GFRA2: variants seen among roughly 807,000 people sequenced by gnomAD.
The protein encoded by GFRA2 is GDNF family receptor alpha 2.
Under a neutral mutation model 48.3 loss-of-function variants are expected in GFRA2, and 17 were observed. That is an observed-to-expected ratio of 0.35 (90% CI 0.24 to 0.53). GFRA2 has a LOEUF of 0.53. Ranked by LOEUF, GFRA2 falls within the 20% of genes least tolerant of loss-of-function variation. GFRA2 has a pLI of 0.93. For missense variants in GFRA2, 660 were observed against 637.3 expected (o/e 1.04, Z -0.38); for synonymous variants, 305 against 257.2 (o/e 1.19, Z -1.78).
rs201515239 is a variant in GFRA2, at chr8:21,750,107, A to ACACACACACACACACACACACACACACG, written c.794+480_794+481insCGTGTGTGTGTGTGTGTGTGTGTGTGTG. ...TGTGTATACACACACACACACACAC[A>ACACACACACACACACACACACACACACG]CACGCACATATATAGGTAGAGACTG... On this transcript the variant is annotated intron_variant, in intron 4 of 8. Transcript: ENST00000524240. This position sits in a 1 kb window ranked among gnomAD's most constrained non-coding sequence, Gnocchi z 5.7. 4.5e-4 allele frequency among the ~76,000 whole-genome samples: 68 copies of ACACACACACACACACACACACACACACG among 150,744 alleles called. No homozygotes were observed. The highest frequency in any genetic ancestry group is 8.0e-4 in the Non-Finnish European group (54 of 67,760).
At chr8:21,771,863 G>A (rs796920471) in intron 3 of GFRA2, among the ~76,000 whole-genome samples, 32 of 152,170 alleles carry the variant, frequency 2.1e-4, no homozygotes, top group African/African-American at 7.5e-4. Flanking sequence ...CAGCACGCAG[G>A]CAATATGAGT....
intron 3 of GFRA2, among the ~76,000 whole-genome samples, chr8:21,768,735 A>T (rs1473534799): frequency 6.6e-6 from 1 of 152,072 alleles, no homozygotes; most frequent in East Asian, 1.9e-4. Context: ...GTCTCTCCCC[A>T]CACCAAGGAC....
chr8:21,787,936 G>A (rs1807365076), intron 1 of GFRA2, among the ~76,000 whole-genome samples, 184 bp downstream of exon 1: 1 of 151,874 alleles, frequency 6.6e-6, no homozygotes, highest in Non-Finnish European at 1.5e-5. Flanking sequence ...GCCAGCCGCG[G>A]CTCCGGTCCC....
At chr8:21,805,242 T>C (rs1807838596) in intron 1 of GFRA2, 1 of 152,234 alleles carries the variant, frequency 6.6e-6, no homozygotes, top group Admixed American at 6.5e-5. Context: ...TACAATTCTG[T>C]TTCTTCTGTG....
At chr8:21,783,465 A>G (rs1807114038) in intron 1 of GFRA2, among the ~76,000 whole-genome samples, 1 of 152,106 alleles carries the variant, frequency 6.6e-6, no homozygotes, top group Non-Finnish European at 1.5e-5. Flanking sequence ...CTGAGGCCCA[A>G]AGAAGGGTGA....
At chr8:21,696,938 AG>A in intron 7 of GFRA2, among the ~76,000 whole-genome samples, 1 of 97,112 alleles carries the variant, frequency 1.0e-5, no homozygotes, top group Admixed American at 1.3e-4. Flanking sequence ...AAGGGGACAG[AG>A]GAAGGGGGAG....
intron 2 of GFRA2, among the ~76,000 whole-genome samples, chr8:21,796,995 A>G (rs1807688530): frequency 6.6e-6 from 1 of 152,198 alleles, no homozygotes; most frequent in African/African-American, 2.4e-5. Context: ...TGTATAGTCC[A>G]GGCATCAAGT....
At chr8:21,742,654 CCT>C (rs1455094436) in intron 4 of GFRA2, among the ~76,000 whole-genome samples, 1 of 152,162 alleles carries the variant, frequency 6.6e-6, no homozygotes, top group Non-Finnish European at 1.5e-5. Flanking sequence ...TGTGTCTGCC[CCT>C]GTGTGAACAA....
intron 4 of GFRA2, among the ~76,000 whole-genome samples, chr8:21,722,584 T>C: frequency 6.6e-6 from 1 of 152,146 alleles, no homozygotes; most frequent in Non-Finnish European, 1.5e-5. Context: ...ACATGGGCCC[T>C]TGGTCTCGCC....
At chr8:21,710,668 G>A (rs1802978436) in intron 4 of GFRA2, among the ~76,000 whole-genome samples, 1 of 152,230 alleles carries the variant, frequency 6.6e-6, no homozygotes. Context: ...ACTCCTCTGA[G>A]GTTATGACCT....
At chr8:21,800,996 C>T (rs1435954490) in intron 2 of GFRA2, among the ~76,000 whole-genome samples, 2 of 151,878 alleles carry the variant, frequency 1.3e-5, no homozygotes, top group East Asian at 1.9e-4. Context: ...TACCATCCCA[C>T]TTCCCTAAGG....
chr8:21,754,841 G>C (rs1448877571), intron 3 of GFRA2, among the ~76,000 whole-genome samples: 1 of 152,060 alleles, frequency 6.6e-6, no homozygotes, highest in African/African-American at 2.4e-5. Context: ...AAAGAGAAAA[G>C]TGCCCTCTCT....
At chr8:21,798,279 GAA>G (rs1807713067) in intron 2 of GFRA2, among the ~76,000 whole-genome samples, 1 of 152,186 alleles carries the variant, frequency 6.6e-6, no homozygotes, top group Admixed American at 6.5e-5. Context: ...TGCCAGCCCA[GAA>G]AAGAGTTCAG....
At chr8:21,747,805 T>C (rs1405856133) in intron 4 of GFRA2, among the ~76,000 whole-genome samples, 2 of 131,622 alleles carry the variant, frequency 1.5e-5, no homozygotes, top group African/African-American at 5.8e-5. Context: ...CACACACGCA[T>C]GCACACACAT....
intron 4 of GFRA2, among the ~76,000 whole-genome samples, chr8:21,735,830 A>C (rs28669126): frequency 0.074 from 11,041 of 148,558 alleles, 1,153 homozygotes; most frequent in African/African-American, 0.24. Flanking sequence ...CCACACCCAG[A>C]TAATTAAAAA....
intron 3 of GFRA2, among the ~76,000 whole-genome samples, chr8:21,762,497 C>G (rs1805963146): frequency 6.6e-6 from 1 of 152,206 alleles, no homozygotes; most frequent in African/African-American, 2.4e-5. Context: ...CCTACCATGA[C>G]ACCAGGACCA....
intron 7 of GFRA2, among the ~76,000 whole-genome samples, chr8:21,701,131 A>AT (rs2117347746): frequency 6.6e-6 from 1 of 152,368 alleles, no homozygotes; most frequent in South Asian, 2.1e-4. Flanking sequence ...GCGGGGGCTC[A>AT]CGCCTGTAAT....
chr8:21,775,806 G>A (rs1410827971), intron 2 of GFRA2, among the ~76,000 whole-genome samples: 1 of 152,058 alleles, frequency 6.6e-6, no homozygotes, highest in Non-Finnish European at 1.5e-5. Context: ...GGCTTTGGGT[G>A]CCTTGGGGGC....
At chr8:21,770,626 T>C (rs1585323205) in intron 3 of GFRA2, among the ~76,000 whole-genome samples, 1 of 152,194 alleles carries the variant, frequency 6.6e-6, no homozygotes, top group East Asian at 1.9e-4. Flanking sequence ...TTGCACGGCA[T>C]GGCCAGACCC....
Sources: gnomAD v4.1 joint callset for allele counts (sites outside exome capture counted in the v4.1 genomes callset) on GRCh38, gnomAD v4.1.1 for gene constraint, Gnocchi (gnomAD v3.1) non-coding constraint, MANE v1.5 for transcripts, NCBI Gene and HGNC (gene_info 2026-07-23, HGNC 2026-07-21) for gene names.